Variants in BARD1 observed in about 807,000 individuals in gnomAD.
BARD1 encodes the protein BRCA1-associated RING domain protein 1.
Under a neutral mutation model 77.0 loss-of-function variants are expected in BARD1, and 73 were observed. That is an observed-to-expected ratio of 0.95 (90% CI 0.79 to 1.15). BARD1 has a LOEUF of 1.15. Ranked by LOEUF, BARD1 falls within the 50% of genes most tolerant of loss-of-function variation. The probability of loss-of-function intolerance (pLI) is 0.00; values close to 1 mark genes in which losing one functional copy is unlikely to be tolerated. For synonymous variants in BARD1, 384 were observed against 338.0 expected, an observed-to-expected ratio of 1.14 and a Z score of -1.49; for missense variants, 993 against 938.8, an observed-to-expected ratio of 1.06 and a Z score of -0.75.
At chr2:214,800,064 G>A (rs1018845219) in intron 1 of BARD1, among the ~76,000 whole-genome samples, 3 of 152,132 alleles carry the variant, frequency 2.0e-5, no homozygotes, top group Admixed American at 6.5e-5. Context: ...GTAGCCTTCC[G>A]GCTTTCTCTG....
intron 6 of BARD1, among the ~76,000 whole-genome samples, chr2:214,759,971 T>A (rs752212955): frequency 1.3e-5 from 2 of 152,248 alleles, no homozygotes; most frequent in Non-Finnish European, 2.9e-5. Flanking sequence ...TAAATTCACT[T>A]GGCTTTGCAG....
At chr2:214,739,613 A>G (rs1276632909) in intron 9 of BARD1, among the ~76,000 whole-genome samples, 2 of 152,152 alleles carry the variant, frequency 1.3e-5, no homozygotes, top group Non-Finnish European at 2.9e-5. Context: ...CTTAAGTAAA[A>G]GAACAGAGAA....
intron 9 of BARD1, among the ~76,000 whole-genome samples, chr2:214,743,956 T>G (rs6740056): frequency 6.6e-6 from 1 of 151,914 alleles, no homozygotes; most frequent in South Asian, 2.1e-4. Context: ...CGCAACTGTA[T>G]TGCTCCCCAC....
At chr2:214,733,838 A>T (rs529842990) in intron 9 of BARD1, among the ~76,000 whole-genome samples, 31 of 152,048 alleles carry the variant, frequency 2.0e-4, no homozygotes, top group Non-Finnish European at 3.4e-4. Flanking sequence ...TAACAAGAAA[A>T]CTCCCTACTC....
At chr2:214,735,942 A>G (rs187344590) in intron 9 of BARD1, among the ~76,000 whole-genome samples, 33 of 152,082 alleles carry the variant, frequency 2.2e-4, no homozygotes, top group African/African-American at 7.2e-4. Context: ...GTCAATCTTA[A>G]TTTGTTAGTT....
intron 2 of BARD1, among the ~76,000 whole-genome samples, chr2:214,793,178 A>G (rs1342801072): frequency 6.6e-6 from 1 of 152,132 alleles, no homozygotes; most frequent in Non-Finnish European, 1.5e-5. Context: ...GAAAAGCCAC[A>G]TCTTCCCCAA....
intron 7 of BARD1, among the ~76,000 whole-genome samples, chr2:214,750,840 A>T (rs1451806593): frequency 1.3e-5 from 2 of 152,030 alleles, no homozygotes; most frequent in African/African-American, 4.8e-5. Flanking sequence ...CAAATCCCCC[A>T]AACTGAGGAT....
intron 9 of BARD1, among the ~76,000 whole-genome samples, chr2:214,735,513 A>G (rs1187193761): frequency 1.3e-5 from 2 of 152,198 alleles, no homozygotes; most frequent in Non-Finnish European, 2.9e-5. Context: ...CACAGAATCC[A>G]CAAACAATGA....
intron 4 of BARD1, among the ~76,000 whole-genome samples, chr2:214,778,505 A>G (rs886202229): frequency 8.5e-5 from 13 of 152,164 alleles, no homozygotes; most frequent in African/African-American, 3.1e-4. Flanking sequence ...AACTCATATG[A>G]AGTAATCTTG....
chr2:214,795,186 T>C (rs1029038107), intron 2 of BARD1, among the ~76,000 whole-genome samples: 2 of 152,154 alleles, frequency 1.3e-5, no homozygotes, highest in African/African-American at 2.4e-5. Flanking sequence ...AGCAGATCCA[T>C]GGGAGGCGTT....
At chr2:214,773,417 A>T (rs913638980) in intron 4 of BARD1, among the ~76,000 whole-genome samples, 1 of 152,216 alleles carries the variant, frequency 6.6e-6, no homozygotes, top group African/African-American at 2.4e-5. Context: ...ACTGGAATGA[A>T]GCTCTAAAAT....
intron 7 of BARD1, among the ~76,000 whole-genome samples, chr2:214,751,773 C>T (rs1345268512): frequency 6.6e-6 from 1 of 152,132 alleles, no homozygotes; most frequent in Non-Finnish European, 1.5e-5. Context: ...ATGGCATTAC[C>T]ATCTATTTCC....
At chr2:214,746,922 T>G (rs947190972) in intron 7 of BARD1, among the ~76,000 whole-genome samples, 1 of 152,046 alleles carries the variant, frequency 6.6e-6, no homozygotes, top group Non-Finnish European at 1.5e-5. Flanking sequence ...ACAGGCAACC[T>G]ACAGAATGGG....
intron 4 of BARD1, among the ~76,000 whole-genome samples, chr2:214,777,031 T>A (rs1351842581): frequency 1.3e-5 from 2 of 152,156 alleles, no homozygotes; most frequent in East Asian, 1.9e-4. Context: ...AATTATGAAG[T>A]CCCTGCCAAC....
rs1271046556 is a variant in BARD1 at position 214,751,101 on chromosome 2, GTGTGTGTGTGTGTGTGTA to G, written c.1677+1328_1677+1345del. 2.6e-3 allele frequency among the ~76,000 whole-genome samples: 150 copies of G among 57,740 alleles called. 15 individuals carry two copies. Among genetic ancestry groups the G allele is most frequent in the African/African-American group, 1.0e-2 (138 of 13,852 alleles). 37.9% of individuals were successfully genotyped at this position (57,740 alleles called of 152,430 possible). A position where few individuals can be genotyped will look rare whatever the true frequency, so the allele number is the denominator to read the frequency against. Reference sequence around the variant, plus strand: ...ATTCTGTGTGTGTGTGTGTGTGTGTGTGTGTGTGTGTGTGTGTATATATATATATATATATATATATAT... The same window carrying G: ...ATTCTGTGTGTGTGTGTGTGTGTGTGTATATATATATATATATATATATAT... On this transcript the variant is annotated intron_variant, in intron 7 of 10. Coordinates refer to ENST00000260947, the MANE Select transcript of BARD1 (RefSeq NM_000465.4).
At chr2:214,741,161 C>T (rs530842602) in intron 9 of BARD1, among the ~76,000 whole-genome samples, 104 of 152,166 alleles carry the variant, frequency 6.8e-4, no homozygotes, top group African/African-American at 2.5e-3. Flanking sequence ...AGACATAAAT[C>T]CAGTGTAAAA....
intron 6 of BARD1, among the ~76,000 whole-genome samples, chr2:214,758,661 G>C (rs1023111254): frequency 6.6e-6 from 1 of 152,096 alleles, no homozygotes; most frequent in African/African-American, 2.4e-5. Context: ...TCCTAACTAG[G>C]AATCCTTCTG....
intron 4 of BARD1, among the ~76,000 whole-genome samples, chr2:214,775,787 TG>T (rs1223472317): frequency 6.6e-6 from 1 of 152,186 alleles, no homozygotes; most frequent in East Asian, 1.9e-4. Flanking sequence ...TATACATATG[TG>T]GTGAGTGACA....
chr2:214,757,721 C>T (rs147524683), intron 6 of BARD1, among the ~76,000 whole-genome samples: 2 of 152,062 alleles, frequency 1.3e-5, no homozygotes, highest in African/African-American at 4.8e-5. Context: ...GTACCAACAA[C>T]TTTTGGCACT....
Sources: gnomAD v4.1 joint callset for allele counts (sites outside exome capture counted in the v4.1 genomes callset) on GRCh38, gnomAD v4.1.1 for gene constraint, MANE v1.5 for transcripts, NCBI Gene and HGNC (gene_info 2026-07-23, HGNC 2026-07-21) for gene names.